Variants in TOM1L1 observed in about 807,000 individuals in gnomAD.
The protein encoded by TOM1L1 is target of myb1 like 1 membrane trafficking protein.
TOM1L1 carries 64 observed loss-of-function variants against 63.4 expected under a neutral mutation model. That is an observed-to-expected ratio of 1.01 (90% CI 0.83 to 1.24). TOM1L1 has a LOEUF of 1.24. Among genes scored for constraint, TOM1L1 ranks in the 50% most tolerant of loss-of-function variants. The pLI, the probability that TOM1L1 is intolerant of heterozygous loss-of-function variation, is 0.00. For missense variants in TOM1L1, 536 were observed against 567.0 expected (o/e 0.95, Z 0.55); for synonymous variants, 166 against 194.4 (o/e 0.85, Z 1.22).
At chr17:54,931,795 C>A (rs2143864533) in intron 8 of TOM1L1, among the ~76,000 whole-genome samples, 1 of 151,626 alleles carries the variant, frequency 6.6e-6, no homozygotes, top group East Asian at 2.0e-4. Flanking sequence ...AGAGTGAGAC[C>A]CTGTCTCAAA....
intron 3 of TOM1L1, among the ~76,000 whole-genome samples, chr17:54,905,981 G>C (rs533950449): frequency 1.3e-5 from 2 of 152,044 alleles, no homozygotes; most frequent in South Asian, 2.1e-4. Context: ...AACAGCCTGG[G>C]CAAGATGGTG....
At chr17:54,929,420 A>G (rs2048820066) in intron 7 of TOM1L1, among the ~76,000 whole-genome samples, 1 of 152,064 alleles carries the variant, frequency 6.6e-6, no homozygotes, top group Non-Finnish European at 1.5e-5. Flanking sequence ...GGTTTAATGC[A>G]GTATTTCTAG....
chr17:54,951,324 T>A (rs2049229779), intron 14 of TOM1L1, among the ~76,000 whole-genome samples: 1 of 152,200 alleles, frequency 6.6e-6, no homozygotes, highest in East Asian at 1.9e-4. Flanking sequence ...TACCTCCACG[T>A]GTTCAGCTAT....
At chr17:54,916,208 A>G (rs2048586479) in intron 7 of TOM1L1, 2 of 350,656 alleles carry the variant, frequency 5.7e-6, no homozygotes. Flanking sequence ...GGATGTAGAA[A>G]TGAGAAGGAG....
At chr17:54,936,543 GC>G in intron 8 of TOM1L1, 105 bp from the exon 9 acceptor site, 1 of 948,486 alleles carries the variant, frequency 1.1e-6, no homozygotes, top group Non-Finnish European at 1.6e-6. Context: ...TGAGGATGAG[GC>G]TGATTGTCTT....
intron 14 of TOM1L1, chr17:54,957,898 C>T (rs1262928695): frequency 1.3e-5 from 2 of 152,160 alleles, no homozygotes; most frequent in Non-Finnish European, 2.9e-5. Flanking sequence ...AGAAATTAGA[C>T]AAACCACCAA....
At chr17:54,960,493 G>A (rs2077091691) in intron 14 of TOM1L1, 73 bp from the exon 15 acceptor site, 3 of 1,085,562 alleles carry the variant, frequency 2.8e-6, no homozygotes, top group Admixed American at 3.4e-5. Flanking sequence ...TAATTACAGT[G>A]CTGGCAGTTA....
At chr17:54,949,088 A>G (rs1158334532) in intron 12 of TOM1L1, among the ~76,000 whole-genome samples, 5 of 152,120 alleles carry the variant, frequency 3.3e-5, no homozygotes, top group East Asian at 1.9e-4. Context: ...GCTAGAATAT[A>G]TAGCATGATC....
At chr17:54,919,070 A>G (rs566841814) in intron 7 of TOM1L1, among the ~76,000 whole-genome samples, 121 of 152,212 alleles carry the variant, frequency 7.9e-4, no homozygotes, top group Non-Finnish European at 9.7e-4. Context: ...TAGTTTATGT[A>G]TAAAATGAAG....
chr17:54,940,239 G>A (rs1323262334), intron 11 of TOM1L1, among the ~76,000 whole-genome samples: 2 of 152,142 alleles, frequency 1.3e-5, no homozygotes, highest in East Asian at 3.9e-4. Context: ...AAATATTAAT[G>A]ACCTATAAAC....
chr17:54,930,813 G>C (rs921705252), intron 8 of TOM1L1, among the ~76,000 whole-genome samples: 4 of 152,094 alleles, frequency 2.6e-5, no homozygotes, highest in African/African-American at 7.2e-5. Context: ...CTGCACTTCA[G>C]CCTTGGCAAT....
At chr17:54,906,062 T>G (rs1597999856) in intron 3 of TOM1L1, among the ~76,000 whole-genome samples, 1 of 152,090 alleles carries the variant, frequency 6.6e-6, no homozygotes, top group East Asian at 1.9e-4. Flanking sequence ...CCCAGCCACT[T>G]AGGAGGCTGA....
intron 5 of TOM1L1, 59 bp from the exon 6 acceptor site, chr17:54,914,580 T>A: frequency 7.1e-7 from 1 of 1,407,036 alleles, no homozygotes; most frequent in African/African-American, 1.4e-5. Flanking sequence ...TGGAAAAAAC[T>A]TGGCGTTGGG....
chr17:54,946,757 G>A (rs1374095609), intron 11 of TOM1L1, among the ~76,000 whole-genome samples: 7 of 152,140 alleles, frequency 4.6e-5, no homozygotes, highest in Non-Finnish European at 8.8e-5. Context: ...GGCAAAAAAC[G>A]GTAAATTCAC....
At chr17:54,923,488 A>G (rs2048716368) in intron 7 of TOM1L1, among the ~76,000 whole-genome samples, 1 of 151,332 alleles carries the variant, frequency 6.6e-6, no homozygotes, top group Non-Finnish European at 1.5e-5. Flanking sequence ...GCATTTTCCT[A>G]ATGACTAATG....
chr17:54,942,123 G>C (rs945528080), intron 11 of TOM1L1, among the ~76,000 whole-genome samples: 4 of 151,910 alleles, frequency 2.6e-5, no homozygotes, highest in Non-Finnish European at 4.4e-5. Context: ...TTGAGACAGA[G>C]TCTTACTTTG....
At chr17:54,923,505 A>G (rs2143824076) in intron 7 of TOM1L1, among the ~76,000 whole-genome samples, 1 of 151,424 alleles carries the variant, frequency 6.6e-6, no homozygotes, top group South Asian at 2.1e-4. Context: ...AATGAATTTG[A>G]GTGTCTGTAT....
intron 11 of TOM1L1, among the ~76,000 whole-genome samples, chr17:54,943,619 T>C (rs2049068237): frequency 6.6e-6 from 1 of 151,778 alleles, no homozygotes; most frequent in Non-Finnish European, 1.5e-5. Flanking sequence ...ATAAAGAGAG[T>C]TTGCTTTAGT....
chr17:54,934,047 C>G (rs2048907666), intron 8 of TOM1L1, among the ~76,000 whole-genome samples: 1 of 152,210 alleles, frequency 6.6e-6, no homozygotes, highest in Non-Finnish European at 1.5e-5. Context: ...AATAGTCACT[C>G]ATGCCTTAGT....
Sources: allele counts gnomAD v4.1 joint callset (sites outside exome capture counted in the v4.1 genomes callset), GRCh38; gene constraint gnomAD v4.1.1; transcripts MANE v1.5; gene names NCBI Gene and HGNC (gene_info 2026-07-23, HGNC 2026-07-21).